Variants in FRMPD1 observed in about 807,000 individuals in gnomAD.
FRMPD1 encodes FERM and PDZ domain containing 1.
FRMPD1 carries 76 observed loss-of-function variants against 117.8 expected under a neutral mutation model. The ratio of observed to expected loss-of-function variants is 0.65; its 90% CI spans 0.54 to 0.78. The LOEUF is 0.78. Among genes scored for constraint, FRMPD1 ranks in the 30% least tolerant of loss-of-function variants. The pLI, the probability that FRMPD1 is intolerant of heterozygous loss-of-function variation, is 0.00. For synonymous variants in FRMPD1, 783 were observed against 770.4 expected, an observed-to-expected ratio of 1.02 and a Z score of -0.27; for missense variants, 1,786 against 1,964.5, an observed-to-expected ratio of 0.91 and a Z score of 1.72.
At chr9:37,663,001 T>G (rs1821045684) in intron 1 of FRMPD1, among the ~76,000 whole-genome samples, 1 of 152,224 alleles carries the variant, frequency 6.6e-6, no homozygotes, top group Non-Finnish European at 1.5e-5. Context: ...GGGTGACAGT[T>G]AGATGCGTAC....
At chr9:37,725,504 G>A (rs1267662556) in intron 7 of FRMPD1, among the ~76,000 whole-genome samples, 2 of 152,194 alleles carry the variant, frequency 1.3e-5, no homozygotes, top group Non-Finnish European at 2.9e-5. Flanking sequence ...CACACATCCA[G>A]TGCTTCTCTC....
At chr9:37,662,579 A>G (rs1420311945) in intron 1 of FRMPD1, among the ~76,000 whole-genome samples, 2 of 152,288 alleles carry the variant, frequency 1.3e-5, no homozygotes, top group Admixed American at 6.5e-5. Flanking sequence ...TGATCAATGT[A>G]TGGGCCCACT....
the FRMPD1 span, among the ~76,000 whole-genome samples, chr9:37,626,640 A>C: frequency 6.8e-6 from 1 of 146,308 alleles, no homozygotes; most frequent in African/African-American, 2.5e-5. Flanking sequence ...AAAAAAAAAA[A>C]AAGCTGGAGG....
At chr9:37,645,421 G>C in the FRMPD1 span, among the ~76,000 whole-genome samples, 8 of 152,118 alleles carry the variant, frequency 5.3e-5, no homozygotes, top group African/African-American at 1.9e-4. Context: ...ATTAGGAACA[G>C]GAAAAGAAAT....
the FRMPD1 span, among the ~76,000 whole-genome samples, chr9:37,638,246 G>A: frequency 6.6e-6 from 1 of 151,752 alleles, no homozygotes. Context: ...GATAATTTTT[G>A]TATTTTTAGT....
At chr9:37,734,635 G>T (rs1270153716) in intron 12 of FRMPD1, among the ~76,000 whole-genome samples, 2 of 152,098 alleles carry the variant, frequency 1.3e-5, no homozygotes, top group South Asian at 2.1e-4. Context: ...AAAAGATTTG[G>T]TATGCATCTC....
chr9:37,632,967 T>C, the FRMPD1 span, among the ~76,000 whole-genome samples: 7 of 147,508 alleles, frequency 4.7e-5, no homozygotes, highest in African/African-American at 1.7e-4. Flanking sequence ...ATATATTTCT[T>C]TCTACATATA....
At chr9:37,670,250 G>A (rs1821306497) in intron 1 of FRMPD1, among the ~76,000 whole-genome samples, 1 of 152,108 alleles carries the variant, frequency 6.6e-6, no homozygotes, top group Non-Finnish European at 1.5e-5. Flanking sequence ...TAAGTGCTGG[G>A]GGAGACGTAT....
At chr9:37,615,244 C>G in the FRMPD1 span, among the ~76,000 whole-genome samples, 5 of 152,246 alleles carry the variant, frequency 3.3e-5, no homozygotes, top group South Asian at 1.0e-3. Context: ...TCCTGAGTAG[C>G]TGGGACCACA....
intron 4 of FRMPD1, among the ~76,000 whole-genome samples, chr9:37,710,664 T>A (rs1031864639): frequency 6.6e-6 from 1 of 152,168 alleles, no homozygotes; most frequent in East Asian, 1.9e-4. Flanking sequence ...TTGCCATATT[T>A]TCTCCTAAAA....
the FRMPD1 span, among the ~76,000 whole-genome samples, chr9:37,625,573 T>G: frequency 1.3e-5 from 2 of 152,150 alleles, no homozygotes; most frequent in Non-Finnish European, 2.9e-5. Flanking sequence ...AGTTCCTAAG[T>G]GCTTAGAGGG....
intron 13 of FRMPD1, among the ~76,000 whole-genome samples, 195 bp from the exon 14 acceptor site, chr9:37,736,901 G>T (rs1247352663): frequency 6.6e-6 from 1 of 151,798 alleles, no homozygotes; most frequent in Non-Finnish European, 1.5e-5. Flanking sequence ...ACACACACGC[G>T]ATGGTGTCTG....
intron 1 of FRMPD1, among the ~76,000 whole-genome samples, chr9:37,684,394 T>G (rs772182281): frequency 2.2e-4 from 34 of 152,240 alleles, no homozygotes; most frequent in Non-Finnish European, 4.4e-4. Flanking sequence ...GCATGGCACA[T>G]AGTAAGTGGT....
At chr9:37,646,399 T>C (rs766881609), upstream of FRMPD1, among the ~76,000 whole-genome samples, 12 of 152,146 alleles carry the variant, frequency 7.9e-5, no homozygotes, top group Admixed American at 2.0e-4. Context: ...ACCTGGAAGG[T>C]CATTCTGGTC....
At chr9:37,715,321 A>G (rs937903807) in intron 5 of FRMPD1, among the ~76,000 whole-genome samples, 1 of 152,188 alleles carries the variant, frequency 6.6e-6, no homozygotes, top group African/African-American at 2.4e-5. Flanking sequence ...CCATGGTCTC[A>G]CATGCAGAAA....
chr9:37,667,517 TA>T (rs57309285), intron 1 of FRMPD1, among the ~76,000 whole-genome samples: 14,191 of 143,468 alleles, frequency 0.099, 968 homozygotes, highest in African/African-American at 0.2. Context: ...TACTAAAAAT[TA>T]AAAAAAAAAA....
intron 1 of FRMPD1, among the ~76,000 whole-genome samples, chr9:37,685,415 G>A (rs371373422): frequency 1.6e-4 from 25 of 152,200 alleles, no homozygotes; most frequent in African/African-American, 3.6e-4. Flanking sequence ...AGGCCAAGGC[G>A]GGCGGATCAC....
At chr9:37,684,076 G>A (rs1821835814) in intron 1 of FRMPD1, among the ~76,000 whole-genome samples, 1 of 151,358 alleles carries the variant, frequency 6.6e-6, no homozygotes, top group Admixed American at 6.6e-5. Context: ...GGCTTTGGGG[G>A]GAACAACAGG....
Position 37,711,414 on chromosome 9 carries a change from C to T in FRMPD1, c.408+19C>T, listed in dbSNP as rs1040574411. The T allele has an allele frequency of 1.3e-6, 2 of 1,573,772 alleles. No homozygotes were observed. Among genetic ancestry groups the T allele is most frequent in the African/African-American group, 1.3e-5 (1 of 74,176 alleles). ...CACGTCGGTAAATCTCTTTCTATGTCCTGTGTGTTAGTTTCACCATTCTTG... is the reference window on the plus strand; with the variant it reads ...CACGTCGGTAAATCTCTTTCTATGTTCTGTGTGTTAGTTTCACCATTCTTG... On this transcript the variant is annotated intron_variant, in intron 5 of 15. Transcript: ENST00000377765.
Sources: allele counts gnomAD v4.1 joint callset (sites outside exome capture counted in the v4.1 genomes callset), GRCh38; gene constraint gnomAD v4.1.1; transcripts MANE v1.5; gene names NCBI Gene and HGNC (gene_info 2026-07-23, HGNC 2026-07-21).